PPRC1: variants seen among roughly 807,000 people sequenced by gnomAD.
PPRC1 encodes the protein PPARG related coactivator 1.
PPRC1 carries 23 observed loss-of-function variants against 132.5 expected under a neutral mutation model. The observed-to-expected ratio is 0.17, with a 90% CI of 0.12 to 0.25. PPRC1 has a LOEUF of 0.25. PPRC1 is among the 10% of genes least tolerant of loss of function. The probability of loss-of-function intolerance (pLI) is 1.00; values close to 1 mark genes in which losing one functional copy is unlikely to be tolerated. For synonymous variants in PPRC1, 872 were observed against 833.5 expected (o/e 1.05, Z -0.80); for missense variants, 2,006 against 2,089.1 (o/e 0.96, Z 0.78).
chr10:102,145,319 C>G (rs1264479736), intron 8 of PPRC1, among the ~76,000 whole-genome samples: 1 of 152,228 alleles, frequency 6.6e-6, no homozygotes, highest in Non-Finnish European at 1.5e-5. Context: ...GTAATCCCAG[C>G]ACTTGTGGGA....
the PPRC1 span, chr10:102,120,295 A>T: frequency 2.1e-5 from 21 of 983,512 alleles, no homozygotes; most frequent in African/African-American, 3.7e-4. Context: ...CGCGGAGCAG[A>T]CAGGAAGGAA....
At position 102,147,020 on chromosome 10, in the gene PPRC1, C is replaced by A. The variant is rs374891266; in HGVS notation, c.4028C>A (p.Pro1343Gln). 21 of 1,614,122 alleles carry A rather than the reference C, an allele frequency of 1.3e-5. No homozygotes were observed. Among genetic ancestry groups the A allele is most frequent in the Non-Finnish European group, 1.7e-5 (20 of 1,179,982 alleles). ...TTGTCCTTGGGCCCAGCTGCCCCTCCGCCCCCATGCATAGCTGCCTCCCGG... is the reference window on the plus strand; with the variant it reads ...TTGTCCTTGGGCCCAGCTGCCCCTCAGCCCCCATGCATAGCTGCCTCCCGG... ...PVLSLGPAAP[P>Q]PPCIAASREP... The change falls in exon 9 of 14, where the codon CCG becomes CAG. Residue 1343 changes from proline (P) to glutamine (Q), a missense_variant. Physicochemically the swap from Pro to Gln is moderately conservative, Grantham distance 76 (BLOSUM62 -1). Transcript: ENST00000278070.
At position 102,141,183 on chromosome 10, in the gene PPRC1, T is replaced by A. The variant is rs1395293893; in HGVS notation, c.2675T>A (p.Leu892Gln). Residue 892 changes from leucine (L) to glutamine (Q), a missense_variant, in exon 5 of 14, where the codon CTG becomes CAG. By Grantham distance (113) the Leu-to-Gln change is moderately radical. Around this residue, in one of 2 missense-constraint regions of PPRC1, gnomAD observed 1,914 missense variants for 1,917.2 expected, o/e 1.00. Transcript: ENST00000278070. ...PAGGLGMPPSLPPPPLQPPSL... is the reference protein window; with the variant it reads ...PAGGLGMPPSQPPPPLQPPSL... The stretch of plus-strand genomic sequence containing the variant: ...GGTGGGCTTGGCATGCCCCCCAGTC[T>A]GCCCCCACCTCCCTTGCAGCCTCCT... 6.2e-7 allele frequency: 1 copy of A among 1,613,992 alleles called. No individual in the cohort carries two copies. The highest frequency in any genetic ancestry group is 8.5e-7 in the Non-Finnish European group (1 of 1,179,942).
chr10:102,143,598 CAAAAAAAAAAAA>C (rs774584823), intron 6 of PPRC1, among the ~76,000 whole-genome samples: 1 of 57,908 alleles, frequency 1.7e-5, no homozygotes, highest in African/African-American at 6.1e-5. Flanking sequence ...GACTCTGTCT[CAAAAAAAAAAAA>C]AAAAAAAAAG....
rs755473417 is a variant in PPRC1, at chr10:102,147,054, T to A, written c.4062T>A (p.Leu1354=). The part of the protein sequence containing the change: ...PPCIAASREP[L]DHRTSSEQAD... ...GCATAGCTGCCTCCCGGGAGCCGCTTGATCACAGGACTAGCAGTGAGCAGG... is the reference window on the plus strand; with the variant it reads ...GCATAGCTGCCTCCCGGGAGCCGCTAGATCACAGGACTAGCAGTGAGCAGG... Residue 1354 remains leucine, a synonymous_variant, in exon 9 of 14, where the codon CTT becomes CTA. Coordinates refer to ENST00000278070, the MANE Select transcript of PPRC1 (RefSeq NM_015062.5). 3 of 1,614,122 alleles carry A rather than the reference T, an allele frequency of 1.9e-6. No individual in the cohort carries two copies. The highest frequency in any genetic ancestry group is 1.7e-6 in the Non-Finnish European group (2 of 1,180,004).
intron 8 of PPRC1, 90 bp from the exon 9 acceptor site, chr10:102,146,582 G>A (rs1341830748): frequency 3.4e-5 from 50 of 1,476,804 alleles, no homozygotes; most frequent in Non-Finnish European, 4.0e-5. Flanking sequence ...TGTGAGATGA[G>A]GTGGGGGTCT....
upstream of PPRC1, among the ~76,000 whole-genome samples, chr10:102,128,280 C>T (rs939012565): frequency 1.3e-5 from 2 of 152,030 alleles, no homozygotes; most frequent in Non-Finnish European, 2.9e-5. Flanking sequence ...TCTGGGATTA[C>T]AGGCACGTGC....
Position 102,137,974 on chromosome 10 carries a change from C to G in PPRC1, c.278C>G (p.Thr93Ser). Reference sequence around the variant, plus strand: ...CTGCAGGATGAGACACTGCTGGGGACCATGCAGAGCTACATGGATGCCTCC... The same window carrying G: ...CTGCAGGATGAGACACTGCTGGGGAGCATGCAGAGCTACATGGATGCCTCC... ...LMLQDETLLG[T>S]MQSYMDASLI... Residue 93 changes from threonine (T) to serine (S), a missense_variant, in exon 2 of 14, where the codon ACC (threonine) becomes AGC (serine). Physicochemically the swap from Thr to Ser is moderately conservative, Grantham distance 58. This residue lies in a region of PPRC1 where 1,914 missense variants were observed against 1,917.2 expected (regional missense o/e 1.00). Coordinates refer to ENST00000278070, the MANE Select transcript of PPRC1 (RefSeq NM_015062.5). The G allele has an allele frequency of 6.2e-7, 1 of 1,614,042 alleles. No individual in the cohort carries two copies.
upstream of PPRC1, among the ~76,000 whole-genome samples, chr10:102,130,416 CAAAAAAAAAAAAA>C (rs1203599289): frequency 1.9e-4 from 3 of 15,980 alleles, no homozygotes; most frequent in Non-Finnish European, 3.0e-4. Context: ...GAATCCTTCT[CAAAAAAAAAAAAA>C]AAAAAAAAAA....
At chr10:102,127,019 T>TTTTATATA in the PPRC1 span, among the ~76,000 whole-genome samples, 266 of 78,862 alleles carry the variant, frequency 3.4e-3, 9 homozygotes, top group African/African-American at 8.8e-3. Context: ...TGGTTTTTTA[T>TTTTATATA]CATATATATA....
chr10:102,133,338 G>T, intron 1 of PPRC1, 117 bp downstream of exon 1: 1 of 964,062 alleles, frequency 1.0e-6, no homozygotes, highest in South Asian at 5.4e-5. Context: ...GGTGGCCGCG[G>T]GAGCCGGGCC....
At position 102,138,033 on chromosome 10, in the gene PPRC1, G is replaced by C. The variant is rs762239005; in HGVS notation, c.337G>C (p.Gly113Arg). The change falls in exon 2 of 14, where the codon GGA becomes CGA. Residue 113 changes from glycine (G) to arginine (R), a missense_variant. Physicochemically the swap from Gly to Arg is moderately radical, Grantham distance 125. Coordinates refer to ENST00000278070, the MANE Select transcript of PPRC1 (RefSeq NM_015062.5). ...ISLIEDFGSL[G>R]ESRLSLEDQN... The stretch of plus-strand genomic sequence containing the variant: ...CCTCATTGAGGATTTTGGGAGCCTT[G>C]GAGAGGTGAGCTGGGGCTGGACTCT... 7 of 1,613,496 alleles carry C rather than the reference G, an allele frequency of 4.3e-6. No homozygotes were observed. The highest frequency in any genetic ancestry group is 5.9e-6 in the Non-Finnish European group (7 of 1,179,662).
At chr10:102,132,876 A>T, upstream of PPRC1, 1 of 768,520 alleles carries the variant, frequency 1.3e-6, no homozygotes, top group Non-Finnish European at 1.8e-6. Flanking sequence ...GTCCCCACTT[A>T]AAGGGACTAC....
chr10:102,140,504 G>C lies in PPRC1; in HGVS notation c.1996G>C (p.Val666Leu), dbSNP rs756901009. 1 of 1,614,170 alleles carries C rather than the reference G, an allele frequency of 6.2e-7. No individual in the cohort carries two copies. Among genetic ancestry groups the C allele is most frequent in the Non-Finnish European group, 8.5e-7 (1 of 1,180,020 alleles). The change falls in exon 5 of 14, where the codon GTT (valine) becomes CTT (leucine). Residue 666 changes from valine to leucine, a missense_variant. Transcript: ENST00000278070. ...TGCTGTCCCGTCTGGCCCAGCACCA[G>C]TTGATCTAGCACTGGTTGACCCTGT... ...VDAVPSGPAP[V>L]DLALVDPVPN... is the part of the protein sequence containing the mutation.
chr10:102,133,940 GA>G (rs2068623722), intron 1 of PPRC1, among the ~76,000 whole-genome samples: 1 of 151,940 alleles, frequency 6.6e-6, no homozygotes, highest in Non-Finnish European at 1.5e-5. Context: ...GATGGTGAAG[GA>G]CTCTCCAGAT....
chr10:102,127,020 CATAT>C, the PPRC1 span, among the ~76,000 whole-genome samples: 2,042 of 86,750 alleles, frequency 0.024, 38 homozygotes, highest in East Asian at 0.047. Context: ...GGTTTTTTAT[CATAT>C]ATATATATAT....
In PPRC1 at chr10:102,140,091, G is replaced by C; in HGVS notation, c.1583G>C (p.Trp528Ser). Residue 528 changes from tryptophan to serine, a missense_variant, in exon 5 of 14, where the codon TGG (tryptophan) becomes TCG (serine). Physicochemically the swap from Trp to Ser is radical, Grantham distance 177. Coordinates refer to ENST00000278070, the MANE Select transcript of PPRC1 (RefSeq NM_015062.5). ...KGKPRAWARA[W>S]AAALENSSPK... ...AAGCCCCGGGCTTGGGCTCGGGCCTGGGCAGCTGCCTTGGAGAATTCTAGC... is the reference window on the plus strand; with the variant it reads ...AAGCCCCGGGCTTGGGCTCGGGCCTCGGCAGCTGCCTTGGAGAATTCTAGC... The C allele has an allele frequency of 6.2e-7, 1 of 1,614,234 alleles. No individual in the cohort carries two copies. The highest frequency in any genetic ancestry group is 1.3e-5 in the African/African-American group (1 of 75,046).
upstream of PPRC1, among the ~76,000 whole-genome samples, chr10:102,129,052 C>T (rs1372415508): frequency 2.0e-5 from 3 of 150,998 alleles, no homozygotes; most frequent in Non-Finnish European, 2.9e-5. Context: ...GCCTCAGCCT[C>T]CCGCGTAGCT....
chr10:102,126,696 T>A, the PPRC1 span, among the ~76,000 whole-genome samples: 2 of 151,898 alleles, frequency 1.3e-5, no homozygotes. Flanking sequence ...TGACCTCAGG[T>A]GATCCGCCTG....
Sources: allele counts gnomAD v4.1 joint callset (sites outside exome capture counted in the v4.1 genomes callset), GRCh38; gene constraint gnomAD v4.1.1; regional missense constraint gnomAD v4.1.1; transcripts MANE v1.5; gene names NCBI Gene and HGNC (gene_info 2026-07-23, HGNC 2026-07-21).